The following CHST11 variants were observed in gnomAD, a reference collection of about 807,000 sequenced individuals.
The protein encoded by CHST11 is carbohydrate sulfotransferase 11, also known as C4S-1.
A neutral mutation model predicts 30.4 loss-of-function variants in CHST11; 9 were observed. That is an observed-to-expected ratio of 0.30 (90% confidence interval 0.18 to 0.52). The LOEUF is 0.52. Ranked by LOEUF, CHST11 falls within the 20% of genes least tolerant of loss-of-function variation. CHST11 has a pLI of 0.97. For synonymous variants in CHST11, 152 were observed against 187.8 expected, an observed-to-expected ratio of 0.81 and a Z score of 1.56; for missense variants, 348 against 460.6, an observed-to-expected ratio of 0.76 and a Z score of 2.24.
chr12:104,645,479 A>G (rs1003671878), intron 2 of CHST11, among the ~76,000 whole-genome samples: 1 of 152,090 alleles, frequency 6.6e-6, no homozygotes, highest in Admixed American at 6.5e-5. Context: ...TTGTGTTGGA[A>G]GCCCAGCTGG....
intron 1 of CHST11, among the ~76,000 whole-genome samples, chr12:104,482,937 G>A (rs376745465): frequency 1.3e-5 from 2 of 152,104 alleles, no homozygotes; most frequent in African/African-American, 2.4e-5. Flanking sequence ...GACTTGGCCC[G>A]GAGTCAGCAT....
At chr12:104,457,982 G>A (rs2135945770) in intron 1 of CHST11, among the ~76,000 whole-genome samples, 1 of 152,028 alleles carries the variant, frequency 6.6e-6, no homozygotes, top group Middle Eastern at 3.4e-3. Flanking sequence ...TCTGCGCCCG[G>A]GCGAGCCGCC....
chr12:104,544,139 AAAGAAAGAAAGAAAG>A (rs1335466691), intron 1 of CHST11, among the ~76,000 whole-genome samples: 1 of 5,372 alleles, frequency 1.9e-4, no homozygotes, highest in Non-Finnish European at 4.3e-4. Flanking sequence ...AAAAAAAAAA[AAAGAAAGAAAGAAAG>A]AAAGAAAGAA....
intron 1 of CHST11, among the ~76,000 whole-genome samples, chr12:104,502,044 T>C (rs79419906): frequency 6.7e-6 from 1 of 149,724 alleles, no homozygotes; most frequent in Non-Finnish European, 1.5e-5. Context: ...TTTTTTTTTT[T>C]CTAGGACAGT....
chr12:104,545,883 T>A (rs1040259271), intron 1 of CHST11, among the ~76,000 whole-genome samples: 1 of 152,056 alleles, frequency 6.6e-6, no homozygotes, highest in Non-Finnish European at 1.5e-5. Context: ...TAGAATGCAA[T>A]GGTATGATCT....
chr12:104,498,062 G>T (rs1267823078), intron 1 of CHST11, among the ~76,000 whole-genome samples: 1 of 151,896 alleles, frequency 6.6e-6, no homozygotes, highest in East Asian at 1.9e-4. Context: ...GGAATTGTAG[G>T]CATGTACCAC....
At chr12:104,551,204 A>G (rs2038401147) in intron 1 of CHST11, among the ~76,000 whole-genome samples, 1 of 152,238 alleles carries the variant, frequency 6.6e-6, no homozygotes, top group Non-Finnish European at 1.5e-5. Context: ...CGATTTCCCC[A>G]GCAGACTTTC....
intron 2 of CHST11, among the ~76,000 whole-genome samples, chr12:104,623,540 G>A (rs944168919): frequency 3.3e-5 from 5 of 152,174 alleles, no homozygotes; most frequent in African/African-American, 4.8e-5. Context: ...GAGAAACCCC[G>A]TCTCTACTAA....
chr12:104,475,689 T>TATATATATATAA (rs1232136682), intron 1 of CHST11, among the ~76,000 whole-genome samples: 20 of 77,560 alleles, frequency 2.6e-4, no homozygotes, highest in African/African-American at 6.8e-4. Flanking sequence ...TATATATATA[T>TATATATATATAA]ATTTCTGATT....
intron 1 of CHST11, among the ~76,000 whole-genome samples, chr12:104,548,967 T>C (rs1351703416): frequency 6.6e-6 from 1 of 152,234 alleles, no homozygotes; most frequent in Non-Finnish European, 1.5e-5. Context: ...TTCATTTCTG[T>C]GGATACCACT....
At chr12:104,646,397 C>T (rs2039430833) in intron 2 of CHST11, among the ~76,000 whole-genome samples, 1 of 152,170 alleles carries the variant, frequency 6.6e-6, no homozygotes, top group African/African-American at 2.4e-5. Context: ...AAACTGATTT[C>T]TCATGGAACC....
intron 2 of CHST11, among the ~76,000 whole-genome samples, chr12:104,698,912 T>C (rs1406921828): frequency 1.3e-5 from 2 of 152,262 alleles, no homozygotes; most frequent in African/African-American, 4.8e-5. Flanking sequence ...TGTGATTGAA[T>C]ATTGTCTTTA....
chr12:104,609,496 C>T (rs2039038183), intron 2 of CHST11, among the ~76,000 whole-genome samples: 1 of 152,176 alleles, frequency 6.6e-6, no homozygotes, highest in South Asian at 2.1e-4. Context: ...GGAAGCTTCC[C>T]AGTCAGATTT....
At chr12:104,754,285 C>T (rs1007121598) in intron 2 of CHST11, among the ~76,000 whole-genome samples, 3 of 152,170 alleles carry the variant, frequency 2.0e-5, no homozygotes, top group African/African-American at 7.2e-5. Context: ...TTATTTATTG[C>T]TGGGCAACAA....
intron 1 of CHST11, among the ~76,000 whole-genome samples, chr12:104,459,324 C>T (rs945999219): frequency 7.9e-5 from 12 of 152,106 alleles, no homozygotes; most frequent in African/African-American, 2.9e-4. Flanking sequence ...CCCCAGAGCG[C>T]CAGGGGACTG....
At position 104,599,860 on chromosome 12, in the gene CHST11, A is replaced by G. The variant is rs114028439; in HGVS notation, c.119-2046A>G. On this transcript the variant is annotated intron_variant, in intron 1 of 2. Transcript: ENST00000303694. ...TTTTGTTCATTGGTGGAAAAAACTC[A>G]AAAGAAGAATAATATTTTCTGACAC... Among the ~76,000 whole-genome samples the G allele has an allele frequency of 7.2e-3, 1,102 of 152,354 alleles. 14 individuals carry two copies. Among genetic ancestry groups the G allele is most frequent in the African/African-American group, 0.026 (1,076 of 41,576 alleles).
intron 2 of CHST11, among the ~76,000 whole-genome samples, chr12:104,717,051 C>T (rs939632685): frequency 2.0e-5 from 3 of 152,206 alleles, no homozygotes; most frequent in Non-Finnish European, 2.9e-5. Context: ...CCCTCTTCCA[C>T]GTTTAAGGGA....
intron 1 of CHST11, among the ~76,000 whole-genome samples, chr12:104,480,002 C>T (rs7313930): frequency 0.25 from 38,389 of 151,876 alleles, 5,340 homozygotes; most frequent in East Asian, 0.48. Context: ...AGGTAGTCTT[C>T]ATTCCGTGTG....
chr12:104,594,112 C>T (rs1167253160), intron 1 of CHST11, among the ~76,000 whole-genome samples: 2 of 152,154 alleles, frequency 1.3e-5, no homozygotes, highest in Non-Finnish European at 2.9e-5. Context: ...TACCGAGTAC[C>T]TGCTATGCAC....
Sources: gnomAD v4.1 joint callset for allele counts (sites outside exome capture counted in the v4.1 genomes callset) on GRCh38, gnomAD v4.1.1 for gene constraint, MANE v1.5 for transcripts, NCBI Gene and HGNC (gene_info 2026-07-23, HGNC 2026-07-21) for gene names.